FANCE: variants seen among roughly 807,000 people sequenced by gnomAD.
The protein encoded by FANCE is FA complementation group E.
FANCE carries 42 observed loss-of-function variants against 57.8 expected under a neutral mutation model. The ratio of observed to expected loss-of-function variants is 0.73; its 90% CI spans 0.57 to 0.94. The LOEUF is 0.94. FANCE is among the 40% of genes least tolerant of loss of function. The pLI, the probability that FANCE is intolerant of heterozygous loss-of-function variation, is 0.00. For missense variants in FANCE, 608 were observed against 661.8 expected (o/e 0.92, Z 0.89); for synonymous variants, 251 against 286.4 (o/e 0.88, Z 1.25).
Position 35,456,321 on chromosome 6 carries a change from G to A in FANCE, c.823G>A (p.Ala275Thr), listed in dbSNP as rs1767343315. Residue 275 changes from alanine to threonine, a missense_variant, in exon 2 of 10, where the codon GCT becomes ACT. Physicochemically the swap from Ala to Thr is moderately conservative, Grantham distance 58. Coordinates refer to ENST00000229769, the MANE Select transcript of FANCE (RefSeq NM_021922.3). This position sits in a 1 kb window ranked among gnomAD's most constrained non-coding sequence, Gnocchi z 4.3. ...GSNLDDAKGL[A>T]ESLELPKAIQ... ...GAATCTGGATGATGCTAAAGGTCTGGCTGAGAGTTTGGAGTTGCCCAAAGC... is the reference window on the plus strand; with the variant it reads ...GAATCTGGATGATGCTAAAGGTCTGACTGAGAGTTTGGAGTTGCCCAAAGC... 6.2e-7 allele frequency: 1 copy of A among 1,614,178 alleles called. No homozygotes were observed. Among genetic ancestry groups the A allele is most frequent in the South Asian group, 1.1e-5 (1 of 91,080 alleles).
chr6:35,458,080 T>A, intron 4 of FANCE, 96 bp downstream of exon 4: 5 of 1,321,286 alleles, frequency 3.8e-6, no homozygotes, highest in Non-Finnish European at 5.4e-6. Context: ...GTGGGAAATG[T>A]GGGAGGGGAT....
At position 35,452,384 on chromosome 6, in the gene FANCE, G is replaced by C. The variant is rs979441521; in HGVS notation, c.-162G>C. ...GGAACGGCTGCGGCTTCGGGCGGCC[G>C]GGTTTCTCCGGTCTCCCAACGCCGA... is the stretch of plus-strand genomic sequence containing the variant. On this transcript the variant is annotated 5_prime_UTR_variant, in exon 1 of 10. Transcript: ENST00000229769. The C allele has an allele frequency of 2.6e-6, 2 of 758,626 alleles. No individual in the cohort carries two copies. The highest frequency in any genetic ancestry group is 1.4e-4 in the South Asian group (2 of 14,700). 47.0% of individuals were successfully genotyped at this position (758,626 alleles called of 1,614,324 possible).
In FANCE at chr6:35,460,568, C is replaced by T. The variant is rs141551053; in HGVS notation, c.1333C>T (p.Pro445Ser). Residue 445 changes from proline (P) to serine (S), a missense_variant, in exon 8 of 10, where the codon CCC becomes TCC. By Grantham distance (74) the Pro-to-Ser change is moderately conservative (BLOSUM62 -1). Coordinates refer to ENST00000229769, the MANE Select transcript of FANCE (RefSeq NM_021922.3). ...GCTTTGCAGACAGATCTTGGAGCTG[C>T]CCTGGAAGGAGGAAACTTTCTTGGT... ...VLMLGQILEL[P>S]WKEETFLVLQ... 1,090 of 1,614,092 alleles carry T rather than the reference C, an allele frequency of 6.8e-4. 7 individuals are homozygous for T. The highest frequency in any genetic ancestry group is 4.1e-3 in the South Asian group (377 of 91,086).
At chr6:35,465,248 A>G (rs1375025971) in intron 9 of FANCE, among the ~76,000 whole-genome samples, 1 of 151,914 alleles carries the variant, frequency 6.6e-6, no homozygotes, top group East Asian at 2.0e-4. Context: ...ATCTTGGCTC[A>G]CTGCAACCTC....
In FANCE at chr6:35,459,315, T is replaced by G. The variant is rs2150896195; in HGVS notation, c.1114-16T>G. 6.2e-7 allele frequency: 1 copy of G among 1,614,012 alleles called. No individual in the cohort carries two copies. The highest frequency in any genetic ancestry group is 8.5e-7 in the Non-Finnish European group (1 of 1,180,006). ...AAGAAGAAAATAATTAATTTTTTCC[T>G]CCCTGTTGGCTGTAGATCCTCTCCT... On this transcript the variant is annotated splice_polypyrimidine_tract_variant and intron_variant, in intron 5 of 9. Transcript: ENST00000229769.
At chr6:35,460,739 C>T in intron 8 of FANCE, 121 bp downstream of exon 8, 1 of 872,874 alleles carries the variant, frequency 1.1e-6, no homozygotes, top group Non-Finnish European at 1.9e-6. Flanking sequence ...AGCTGCCCTA[C>T]AGCAGCTGCC....
At position 35,467,035 on chromosome 6, in the gene FANCE, A is replaced by T. The variant is rs1275589988; in HGVS notation, c.*690A>T. ...AGCTCTTGTGCTCATGTATATTATG[A>T]CCTTCTGTGTTTTTGTTTCTGACTT... On this transcript the variant is annotated 3_prime_UTR_variant, in exon 10 of 10. Coordinates refer to ENST00000229769, the MANE Select transcript of FANCE (RefSeq NM_021922.3). The T allele has an allele frequency of 1.4e-5, 3 of 217,450 alleles. No homozygotes were observed. Among genetic ancestry groups the T allele is most frequent in the Admixed American group, 5.8e-5 (1 of 17,194 alleles). 13.5% of individuals were successfully genotyped at this position (217,450 alleles called of 1,614,324 possible). A position where few individuals can be genotyped will look rare whatever the true frequency, so the allele number is the denominator to read the frequency against.
chr6:35,460,022 G>T (rs982523291), intron 7 of FANCE, among the ~76,000 whole-genome samples: 1 of 151,022 alleles, frequency 6.6e-6, no homozygotes, highest in Non-Finnish European at 1.5e-5. Context: ...GGCTCTTGAG[G>T]TTGTGACCTC....
Position 35,456,223 on chromosome 6 carries a change from T to A in FANCE, c.725T>A (p.Leu242Gln). The A allele has an allele frequency of 1.2e-6, 2 of 1,614,160 alleles. No individual in the cohort carries two copies. Among genetic ancestry groups the A allele is most frequent in the Non-Finnish European group, 1.7e-6 (2 of 1,180,034 alleles). Residue 242 changes from leucine to glutamine, a missense_variant, in exon 2 of 10, where the codon CTG becomes CAG. Physicochemically the swap from Leu to Gln is moderately radical, Grantham distance 113. Coordinates refer to ENST00000229769, the MANE Select transcript of FANCE (RefSeq NM_021922.3). This position sits in a 1 kb window ranked among gnomAD's most constrained non-coding sequence, Gnocchi z 4.3. ...CCCGAACATAAGTCACTGGAATCCC[T>A]GGCAGATGGAGGAAGTGCATCTCCT... is the stretch of plus-strand genomic sequence containing the variant. The part of the protein sequence containing the change: ...ERPEHKSLES[L>Q]ADGGSASPIK...
intron 8 of FANCE, among the ~76,000 whole-genome samples, chr6:35,460,932 T>A (rs1283284996): frequency 6.6e-6 from 1 of 152,214 alleles, no homozygotes; most frequent in Non-Finnish European, 1.5e-5. Flanking sequence ...ATTTTTTTTT[T>A]TTTTTAGATA....
intron 9 of FANCE, among the ~76,000 whole-genome samples, chr6:35,464,234 CTTTTTT>C (rs71002563): frequency 4.1e-5 from 3 of 73,006 alleles, no homozygotes; most frequent in African/African-American, 9.4e-5. Flanking sequence ...ACAGGGTCTT[CTTTTTT>C]TTTTTTTTTT....
rs753304968 is a variant in FANCE at position 35,452,576 on chromosome 6, G to A, written c.31G>A (p.Ala11Thr). 4.2e-4 allele frequency: 565 copies of A among 1,333,328 alleles called. No individual in the cohort carries two copies. The highest frequency in any genetic ancestry group is 8.1e-4 in the Middle Eastern group (3 of 3,716). 82.6% of individuals were successfully genotyped at this position (1,333,328 alleles called of 1,614,324 possible). The part of the protein sequence containing the change: MATPDAGLPG[A>T]EGVEPAPWAQ... ...GACACCGGACGCGGGGCTCCCTGGGGCTGAGGGCGTGGAGCCGGCGCCCTG... is the reference window on the plus strand; with the variant it reads ...GACACCGGACGCGGGGCTCCCTGGGACTGAGGGCGTGGAGCCGGCGCCCTG... Residue 11 changes from alanine to threonine, a missense_variant, in exon 1 of 10, where the codon GCT becomes ACT. Ala to Thr is a moderately conservative substitution (Grantham distance 58). Coordinates refer to ENST00000229769, the MANE Select transcript of FANCE (RefSeq NM_021922.3).
At chr6:35,459,271 G>A (rs112375664) in intron 5 of FANCE, 60 bp from the exon 6 acceptor site, 6 of 1,589,044 alleles carry the variant, frequency 3.8e-6, no homozygotes, top group Non-Finnish European at 5.2e-6. Flanking sequence ...ATGTGCATTT[G>A]ATAAATGCTG....
At position 35,452,413 on chromosome 6, in the gene FANCE, G is replaced by C. The variant is rs1296140114; in HGVS notation, c.-133G>C. ...TTCTCCGGTCTCCCAACGCCGAGGA[G>C]AGCTTGTAACAGGCGCTGGAGCTGG... On this transcript the variant is annotated 5_prime_UTR_variant, in exon 1 of 10. Transcript: ENST00000229769. 1 of 978,368 alleles carries C rather than the reference G, an allele frequency of 1.0e-6. No individual in the cohort carries two copies. The highest frequency in any genetic ancestry group is 3.5e-5 in the East Asian group (1 of 28,572). The allele number at this position is 978,368 out of a possible 1,614,324, so 60.6% of individuals were successfully genotyped here.
In FANCE at chr6:35,456,594, A is replaced by G. The variant is rs1253165978; in HGVS notation, c.855+241A>G. ...CAATGGCATGATCTCAGCTCACCGCAACCTCTGCCTCCCGGGTTCAAGCGA... is the reference window on the plus strand; with the variant it reads ...CAATGGCATGATCTCAGCTCACCGCGACCTCTGCCTCCCGGGTTCAAGCGA... On this transcript the variant is annotated intron_variant, in intron 2 of 9. Transcript: ENST00000229769. This position sits in a 1 kb window ranked among gnomAD's most constrained non-coding sequence, Gnocchi z 4.3. 6.6e-6 allele frequency among the ~76,000 whole-genome samples: 1 copy of G among 151,792 alleles called. No individual in the cohort carries two copies. Among genetic ancestry groups the G allele is most frequent in the Non-Finnish European group, 1.5e-5 (1 of 67,970 alleles).
At position 35,466,584 on chromosome 6, in the gene FANCE, A is replaced by G. The variant is rs1767848869; in HGVS notation, c.*239A>G. ...TTCTTTTTCATTTCTTTTGTTTTTGAGAGAAGGTATTGCTCTGTCATCCAG... is the reference window on the plus strand; with the variant it reads ...TTCTTTTTCATTTCTTTTGTTTTTGGGAGAAGGTATTGCTCTGTCATCCAG... On this transcript the variant is annotated 3_prime_UTR_variant, in exon 10 of 10. Transcript: ENST00000229769. 1.9e-6 allele frequency: 1 copy of G among 516,810 alleles called. No individual in the cohort carries two copies. Among genetic ancestry groups the G allele is most frequent in the Non-Finnish European group, 3.5e-6 (1 of 284,580 alleles). 32.0% of individuals were successfully genotyped at this position (516,810 alleles called of 1,614,324 possible).
chr6:35,456,480 AG>A lies in FANCE; in HGVS notation c.855+129del. ...GTAGTTCCTGGAGGAAGAAGGAGGA[AG>A]GTAGGGTTGAGGGAATGTAGCCTCC... is the stretch of plus-strand genomic sequence containing the variant. On this transcript the variant is annotated intron_variant, in intron 2 of 9. Transcript: ENST00000229769. This position sits in a 1 kb window ranked among gnomAD's most constrained non-coding sequence, Gnocchi z 4.3. The A allele has an allele frequency of 7.9e-7, 1 of 1,265,452 alleles. No individual in the cohort carries two copies. The highest frequency in any genetic ancestry group is 1.2e-5 in the South Asian group (1 of 83,532). The allele number at this position is 1,265,452 out of a possible 1,614,324, so 78.4% of individuals were successfully genotyped here. A position where few individuals can be genotyped will look rare whatever the true frequency, so the allele number is the denominator to read the frequency against.
At chr6:35,453,211 A>G (rs1767182429) in intron 1 of FANCE, among the ~76,000 whole-genome samples, 1 of 152,234 alleles carries the variant, frequency 6.6e-6, no homozygotes, top group South Asian at 2.1e-4. Flanking sequence ...TTTTCAAAGC[A>G]TAACGTTCAC....
In FANCE at chr6:35,460,565, C is replaced by G; in HGVS notation, c.1330C>G (p.Leu444Val). The G allele has an allele frequency of 6.2e-7, 1 of 1,614,078 alleles. No homozygotes were observed. The highest frequency in any genetic ancestry group is 8.5e-7 in the Non-Finnish European group (1 of 1,179,964). The change falls in exon 8 of 10, where the codon CTG becomes GTG. Residue 444 changes from leucine (L) to valine (V), a missense_variant. By Grantham distance (32) the Leu-to-Val change is conservative (BLOSUM62 1). Transcript: ENST00000229769. ...QVLMLGQILE[L>V]PWKEETFLVL... is the part of the protein sequence containing the mutation. Reference sequence around the variant, plus strand: ...TCTGCTTTGCAGACAGATCTTGGAGCTGCCCTGGAAGGAGGAAACTTTCTT... The same window carrying G: ...TCTGCTTTGCAGACAGATCTTGGAGGTGCCCTGGAAGGAGGAAACTTTCTT...
Sources: allele counts gnomAD v4.1 joint callset (sites outside exome capture counted in the v4.1 genomes callset), GRCh38; gene constraint gnomAD v4.1.1; non-coding constraint Gnocchi (gnomAD v3.1); transcripts MANE v1.5; gene names NCBI Gene and HGNC (gene_info 2026-07-23, HGNC 2026-07-21).